Variants in MPPED2 observed in about 807,000 individuals in gnomAD.
The protein encoded by MPPED2 is metallophosphoesterase MPPED2.
In MPPED2, 5 loss-of-function variants were observed where a neutral mutation model predicts 33.0. The ratio of observed to expected loss-of-function variants is 0.15; its 90% confidence interval spans 0.08 to 0.32. The LOEUF is 0.32. MPPED2 is among the 10% of genes least tolerant of loss of function. The probability of loss-of-function intolerance (pLI) is 1.00; values close to 1 mark genes in which losing one functional copy is unlikely to be tolerated. For synonymous variants in MPPED2, 136 were observed against 141.9 expected (o/e 0.96, Z 0.29); for missense variants, 275 against 372.1 (o/e 0.74, Z 2.15).
intron 3 of MPPED2, 110 bp downstream of exon 3, chr11:30,535,884 C>A: frequency 1.2e-6 from 1 of 862,386 alleles, no homozygotes; most frequent in Non-Finnish European, 1.7e-6. Flanking sequence ...GCATATCATA[C>A]GAGAAATGGC....
At chr11:30,519,309 A>C (rs1037239906) in intron 3 of MPPED2, among the ~76,000 whole-genome samples, 2 of 151,994 alleles carry the variant, frequency 1.3e-5, no homozygotes, top group Non-Finnish European at 2.9e-5. Context: ...TACACACACA[A>C]AAAAGTATGT....
intron 4 of MPPED2, among the ~76,000 whole-genome samples, chr11:30,494,737 C>CAAAAAAAAAAAAAAAAAAAAAAAA (rs767500886): frequency 8.4e-5 from 4 of 47,594 alleles, no homozygotes; most frequent in Non-Finnish European, 1.2e-4. Context: ...TACTCCACCT[C>CAAAAAAAAAAAAAAAAAAAAAAAA]AAAAAAAAAA....
intron 3 of MPPED2, among the ~76,000 whole-genome samples, chr11:30,518,525 A>G (rs961334437): frequency 6.6e-6 from 1 of 152,244 alleles, no homozygotes; most frequent in African/African-American, 2.4e-5. Flanking sequence ...GATTTACCCA[A>G]GAAAGACAGT....
intron 4 of MPPED2, among the ~76,000 whole-genome samples, chr11:30,487,217 C>A (rs1249349953): frequency 6.6e-6 from 1 of 152,196 alleles, no homozygotes; most frequent in Non-Finnish European, 1.5e-5. Flanking sequence ...CAGCAGCCAG[C>A]CAGCCATGTC....
chr11:30,519,025 A>C (rs1299779624), intron 3 of MPPED2, among the ~76,000 whole-genome samples: 1 of 152,006 alleles, frequency 6.6e-6, no homozygotes, highest in African/African-American at 2.4e-5. Flanking sequence ...TCACACCTTT[A>C]ATTCTAGCAC....
intron 4 of MPPED2, among the ~76,000 whole-genome samples, chr11:30,458,206 A>G (rs545694843): frequency 4.6e-5 from 7 of 152,330 alleles, no homozygotes; most frequent in Non-Finnish European, 8.8e-5. Context: ...TTGAGGGTGG[A>G]AGAGAAAAAG....
At chr11:30,442,086 C>A (rs1432568346) in intron 4 of MPPED2, among the ~76,000 whole-genome samples, 1 of 152,104 alleles carries the variant, frequency 6.6e-6, no homozygotes, top group African/African-American at 2.4e-5. Context: ...CAAGACACAT[C>A]GTTTAAGATA....
At chr11:30,384,999 C>T (rs750716559) in exon 7 of MPPED2, 18 of 152,152 alleles carry the variant, frequency 1.2e-4, no homozygotes, top group Non-Finnish European at 2.4e-4. Flanking sequence ...GTGTGTAATA[C>T]TCCTAAAAGT....
chr11:30,567,495 T>C (rs1956497636), intron 2 of MPPED2, among the ~76,000 whole-genome samples: 2 of 152,064 alleles, frequency 1.3e-5, no homozygotes, highest in African/African-American at 4.8e-5. Flanking sequence ...CAGGGGGTGC[T>C]TTTTTTCCAG....
At chr11:30,428,726 C>A (rs556123860) in intron 4 of MPPED2, among the ~76,000 whole-genome samples, 1 of 152,030 alleles carries the variant, frequency 6.6e-6, no homozygotes, top group Admixed American at 6.6e-5. Flanking sequence ...ATCTATAAAA[C>A]GGAGATAAAA....
intron 3 of MPPED2, among the ~76,000 whole-genome samples, chr11:30,535,718 A>G (rs1284157311): frequency 6.6e-6 from 1 of 152,210 alleles, no homozygotes; most frequent in Non-Finnish European, 1.5e-5. Flanking sequence ...GAATGCCCTC[A>G]TTAAAGCAGA....
At chr11:30,580,741 A>G (rs902645432) in intron 1 of MPPED2, among the ~76,000 whole-genome samples, 1 of 152,186 alleles carries the variant, frequency 6.6e-6, no homozygotes, top group Non-Finnish European at 1.5e-5. Context: ...TTTCCTCTTT[A>G]ATTATAATTA....
rs566396615 is a variant in MPPED2 at position 30,557,568 on chromosome 11, T to C, written c.129-21393A>G. ...AGCACATGTCCATCCATTATGATTG[T>C]TAGTTTCCTTTTGTTTTCTTTTAAG... On this transcript the variant is annotated intron_variant, in intron 2 of 6. Transcript: ENST00000358117. Among the ~76,000 whole-genome samples the C allele has an allele frequency of 1.2e-4, 19 of 152,332 alleles. 1 individual carries two copies. The highest frequency in any genetic ancestry group is 9.8e-4 in the Admixed American group (15 of 15,306).
At chr11:30,547,973 A>G (rs1168369396) in intron 2 of MPPED2, among the ~76,000 whole-genome samples, 1 of 152,188 alleles carries the variant, frequency 6.6e-6, no homozygotes, top group African/African-American at 2.4e-5. Flanking sequence ...ATACCTATGT[A>G]CATACTGGGG....
At chr11:30,478,789 C>A (rs780828003) in intron 4 of MPPED2, among the ~76,000 whole-genome samples, 19 of 151,952 alleles carry the variant, frequency 1.3e-4, no homozygotes, top group Admixed American at 2.6e-4. Flanking sequence ...GTCTTAGACA[C>A]GTGGTTAATA....
At chr11:30,456,093 T>C (rs1263158342) in intron 4 of MPPED2, among the ~76,000 whole-genome samples, 4 of 152,200 alleles carry the variant, frequency 2.6e-5, no homozygotes, top group African/African-American at 4.8e-5. Flanking sequence ...TGCTTCTCTA[T>C]GGAAAAGCTG....
At chr11:30,577,116 TC>T (rs1956964585) in intron 2 of MPPED2, among the ~76,000 whole-genome samples, 1 of 152,222 alleles carries the variant, frequency 6.6e-6, no homozygotes, top group Non-Finnish European at 1.5e-5. Flanking sequence ...TTAACTGCAA[TC>T]TTAATCTTAG....
Position 30,419,910 on chromosome 11 carries a change from T to C in MPPED2, c.537-2277A>G, listed in dbSNP as rs147030790. On this transcript the variant is annotated intron_variant, in intron 4 of 6. Transcript: ENST00000358117. ...GCATCCAGCTGTACCTGAAGCCAAC[T>C]GAACTTTTCCTTCTAAGGGCCAATA... is the stretch of plus-strand genomic sequence containing the variant. Among the ~76,000 whole-genome samples, 149 of 152,326 alleles carry C rather than the reference T, an allele frequency of 9.8e-4. 1 individual carries two copies. Among genetic ancestry groups the C allele is most frequent in the African/African-American group, 3.4e-3 (142 of 41,578 alleles).
chr11:30,465,451 C>T lies in MPPED2; in HGVS notation c.536+29845G>A, dbSNP rs558928589. Among the ~76,000 whole-genome samples the T allele has an allele frequency of 2.6e-5, 4 of 152,242 alleles. No homozygotes were observed. In the East Asian group the frequency reaches 7.7e-4, roughly 29 times the overall value. On this transcript the variant is annotated intron_variant, in intron 4 of 6. Coordinates refer to ENST00000358117, the MANE Select transcript of MPPED2 (RefSeq NM_001584.3). ...TACAGGCCCACGGCATCATGCCTGG[C>T]TAAATTTTGCTTTTATTTTTGGTAG...
Sources: allele counts gnomAD v4.1 joint callset (sites outside exome capture counted in the v4.1 genomes callset), GRCh38; gene constraint gnomAD v4.1.1; transcripts MANE v1.5; gene names NCBI Gene and HGNC (gene_info 2026-07-23, HGNC 2026-07-21).